HECW2: variants seen among roughly 807,000 people sequenced by gnomAD.
HECW2 encodes the protein E3 ubiquitin-protein ligase HECW2.
A neutral mutation model predicts 175.2 loss-of-function variants in HECW2; 61 were observed. The observed-to-expected ratio is 0.35, with a 90% CI of 0.28 to 0.43. The LOEUF is 0.43. HECW2 is among the 20% of genes least tolerant of loss of function. The pLI is 1.00. For missense variants in HECW2, 1,524 were observed against 2,000.5 expected (o/e 0.76, Z 4.54); for synonymous variants, 671 against 731.0 (o/e 0.92, Z 1.32).
intron 1 of HECW2, among the ~76,000 whole-genome samples, chr2:196,590,306 T>C (rs915215406): frequency 6.6e-6 from 1 of 152,182 alleles, no homozygotes; most frequent in Non-Finnish European, 1.5e-5. Flanking sequence ...ACAAAAGGCA[T>C]CCTGTGTGTA....
At chr2:196,275,372 TAAAAA>T (rs1175484273) in intron 15 of HECW2, among the ~76,000 whole-genome samples, 3 of 152,320 alleles carry the variant, frequency 2.0e-5, no homozygotes, top group East Asian at 3.9e-4. Context: ...TCCCAACTAT[TAAAAA>T]AGAAAATTTA....
chr2:196,278,015 T>C (rs1397436903), intron 15 of HECW2, among the ~76,000 whole-genome samples: 7 of 143,028 alleles, frequency 4.9e-5, no homozygotes, highest in Non-Finnish European at 7.7e-5. Flanking sequence ...CATTAGGAGA[T>C]ATACCTAATG....
chr2:196,473,954 G>C (rs1305046249), intron 1 of HECW2, among the ~76,000 whole-genome samples: 2 of 152,206 alleles, frequency 1.3e-5, no homozygotes, highest in East Asian at 1.9e-4. Context: ...GCTTTTGCCT[G>C]ATACAATGCA....
Position 196,511,301 on chromosome 2 carries a change from A to G in HECW2, c.-35-77843T>C, listed in dbSNP as rs186436095. On this transcript the variant is annotated intron_variant, in intron 1 of 28. Coordinates refer to ENST00000644978, the MANE Select transcript of HECW2 (RefSeq NM_001348768.2). ...ATCACAACCTCAAAAAATATAATTA[A>G]ATGATGTTATCAAAACACCAATCAA... Among the ~76,000 whole-genome samples, 192 of 152,374 alleles carry G rather than the reference A, an allele frequency of 1.3e-3. 1 individual carries two copies. Among genetic ancestry groups the G allele is most frequent in the Non-Finnish European group, 2.3e-3 (157 of 68,034 alleles).
intron 1 of HECW2, among the ~76,000 whole-genome samples, chr2:196,470,535 T>C (rs1310396691): frequency 6.6e-6 from 1 of 152,216 alleles, no homozygotes; most frequent in African/African-American, 2.4e-5. Flanking sequence ...AGTTTTGTTT[T>C]GTTTTCAGAA....
intron 1 of HECW2, among the ~76,000 whole-genome samples, chr2:196,559,155 C>A (rs549697589): frequency 2.0e-5 from 3 of 152,324 alleles, no homozygotes; most frequent in African/African-American, 7.2e-5. Context: ...ACACAATGTT[C>A]TTTTCACTAC....
intron 1 of HECW2, among the ~76,000 whole-genome samples, chr2:196,569,979 A>G (rs1349642556): frequency 1.3e-5 from 2 of 152,232 alleles, no homozygotes; most frequent in Non-Finnish European, 2.9e-5. Context: ...ATGCGCTATG[A>G]TCACACCTGT....
rs532288997 is a variant in HECW2, at chr2:196,201,391, G to A, written c.4608-3C>T. ...GACGGTTAAAACATGTATGCGCTCT[G>A]AAAACACAAGAAACAGCACATAGTT... On this transcript the variant is annotated splice_region_variant and splice_polypyrimidine_tract_variant and intron_variant, in intron 28 of 28. Transcript: ENST00000644978. 4.4e-6 allele frequency: 7 copies of A among 1,592,870 alleles called. No homozygotes were observed. Among genetic ancestry groups the A allele is most frequent in the African/African-American group, 1.3e-5 (1 of 74,552 alleles).
At chr2:196,517,590 A>G (rs1688195696) in intron 1 of HECW2, among the ~76,000 whole-genome samples, 1 of 152,310 alleles carries the variant, frequency 6.6e-6, no homozygotes, top group African/African-American at 2.4e-5. Context: ...TCAGTATCCA[A>G]TTAGAAGTCA....
chr2:196,585,537 C>T (rs1690943414), intron 1 of HECW2, among the ~76,000 whole-genome samples: 1 of 152,226 alleles, frequency 6.6e-6, no homozygotes, highest in Non-Finnish European at 1.5e-5. Context: ...AGGTACAGAA[C>T]TTCCCTTCCC....
intron 28 of HECW2, among the ~76,000 whole-genome samples, chr2:196,203,572 C>A (rs1262753405): frequency 1.3e-5 from 2 of 152,290 alleles, no homozygotes; most frequent in Non-Finnish European, 1.5e-5. Flanking sequence ...TACTATTTTA[C>A]AATTTTCATT....
chr2:196,494,579 T>C (rs1325867667), intron 1 of HECW2, among the ~76,000 whole-genome samples: 1 of 152,128 alleles, frequency 6.6e-6, no homozygotes, highest in Non-Finnish European at 1.5e-5. Flanking sequence ...GTACTACCAT[T>C]TACAAAAACA....
At chr2:196,294,601 A>G (rs887564340) in intron 13 of HECW2, among the ~76,000 whole-genome samples, 3 of 152,210 alleles carry the variant, frequency 2.0e-5, no homozygotes, top group Non-Finnish European at 2.9e-5. Flanking sequence ...TCATTTTAAT[A>G]AACATTTATT....
chr2:196,213,518 T>G (rs1687364552), intron 28 of HECW2, among the ~76,000 whole-genome samples: 2 of 152,196 alleles, frequency 1.3e-5, no homozygotes, highest in South Asian at 4.1e-4. Context: ...AAGTAACTCT[T>G]TCTTCTCATC....
At chr2:196,252,667 G>A (rs1688902435) in intron 19 of HECW2, among the ~76,000 whole-genome samples, 1 of 152,178 alleles carries the variant, frequency 6.6e-6, no homozygotes, top group African/African-American at 2.4e-5. Context: ...TACCATGATT[G>A]TACAGTCTGC....
chr2:196,246,609 C>A (rs959422121), intron 19 of HECW2, among the ~76,000 whole-genome samples: 6 of 151,956 alleles, frequency 3.9e-5, no homozygotes, highest in African/African-American at 1.2e-4. Flanking sequence ...CCAGGATGAT[C>A]TCGATCTCCT....
chr2:196,588,490 A>G (rs1691068132), intron 1 of HECW2, among the ~76,000 whole-genome samples: 1 of 152,226 alleles, frequency 6.6e-6, no homozygotes, highest in Admixed American at 6.5e-5. Context: ...AGATGATTTA[A>G]AGTTTGGAGA....
At chr2:196,497,837 G>A (rs1687450291) in intron 1 of HECW2, among the ~76,000 whole-genome samples, 1 of 152,224 alleles carries the variant, frequency 6.6e-6, no homozygotes. Context: ...ATCACAGAGG[G>A]CAAGAAGCAT....
chr2:196,591,576 T>C (rs920398715), intron 1 of HECW2, among the ~76,000 whole-genome samples: 13 of 152,248 alleles, frequency 8.5e-5, no homozygotes, highest in Non-Finnish European at 1.8e-4. Flanking sequence ...CTGGTTAGAC[T>C]GCTGGATAGT....
Sources: gnomAD v4.1 joint callset for allele counts (sites outside exome capture counted in the v4.1 genomes callset) on GRCh38, gnomAD v4.1.1 for gene constraint, MANE v1.5 for transcripts, NCBI Gene and HGNC (gene_info 2026-07-23, HGNC 2026-07-21) for gene names.